CCDC60: variants seen among roughly 807,000 people sequenced by gnomAD.
CCDC60 encodes the protein coiled-coil domain-containing protein 60.
CCDC60 carries 54 observed loss-of-function variants against 63.5 expected under a neutral mutation model. That is an observed-to-expected ratio of 0.85 (90% CI 0.68 to 1.07). CCDC60 has a LOEUF of 1.07. CCDC60 is among the 50% of genes least tolerant of loss of function. The probability of loss-of-function intolerance (pLI) is 0.00; values close to 1 mark genes in which losing one functional copy is unlikely to be tolerated. For synonymous variants in CCDC60, 206 were observed against 238.8 expected (o/e 0.86, Z 1.27); for missense variants, 651 against 684.3 (o/e 0.95, Z 0.54).
intron 1 of CCDC60, among the ~76,000 whole-genome samples, chr12:119,416,165 T>C (rs1329383206): frequency 6.6e-6 from 1 of 152,132 alleles, no homozygotes; most frequent in Non-Finnish European, 1.5e-5. Context: ...GCGGATCACC[T>C]GAGGTCAGGA....
intron 2 of CCDC60, among the ~76,000 whole-genome samples, chr12:119,439,097 G>T: frequency 7.3e-6 from 1 of 136,624 alleles, no homozygotes; most frequent in South Asian, 2.3e-4. Flanking sequence ...TGAAGATGCA[G>T]GATGAGATCT....
In CCDC60 at chr12:119,422,840, C is replaced by T. The variant is rs764757094; in HGVS notation, c.91-5843C>T. ...TATTAGGTTGGTGCAAAACTAATTA[C>T]GGTTTTTGCCATTTTAATGGCAAAT... On this transcript the variant is annotated intron_variant, in intron 1 of 13. Transcript: ENST00000327554. Among the ~76,000 whole-genome samples, 8 of 151,958 alleles carry T rather than the reference C, an allele frequency of 5.3e-5. No individual in the cohort carries two copies. The East Asian group carries it at 5.8e-4, about 11-fold the overall frequency.
intron 6 of CCDC60, among the ~76,000 whole-genome samples, chr12:119,502,856 T>A (rs149528740): frequency 6.6e-6 from 1 of 152,162 alleles, no homozygotes; most frequent in Non-Finnish European, 1.5e-5. Context: ...CATGCCACCA[T>A]CTGTCCACCC....
chr12:119,504,561 T>C (rs1041565992), intron 6 of CCDC60, among the ~76,000 whole-genome samples: 17 of 152,176 alleles, frequency 1.1e-4, no homozygotes, highest in African/African-American at 4.1e-4. Flanking sequence ...CTGTGTTCTT[T>C]AGAAAACCTC....
intron 5 of CCDC60, among the ~76,000 whole-genome samples, chr12:119,490,170 A>T (rs1025864555): frequency 1.3e-5 from 2 of 152,154 alleles, no homozygotes; most frequent in African/African-American, 4.8e-5. Flanking sequence ...TCCACCCCCA[A>T]GTCATCTCTT....
chr12:119,376,677 A>C (rs1413176569), intron 1 of CCDC60, among the ~76,000 whole-genome samples: 1 of 152,148 alleles, frequency 6.6e-6, no homozygotes, highest in African/African-American at 2.4e-5. Context: ...TCCTAAGTAC[A>C]CAGTGGTAAT....
At chr12:119,338,805 G>GTA (rs1955501414) in intron 1 of CCDC60, among the ~76,000 whole-genome samples, 1 of 152,152 alleles carries the variant, frequency 6.6e-6, no homozygotes, top group Non-Finnish European at 1.5e-5. Context: ...CCGGGGGAAG[G>GTA]TATAGCCACA....
intron 5 of CCDC60, among the ~76,000 whole-genome samples, chr12:119,490,087 C>T (rs970693211): frequency 4.6e-5 from 7 of 152,156 alleles, no homozygotes; most frequent in East Asian, 1.9e-4. Context: ...TGAGCCACCG[C>T]GCCCGGCCAA....
intron 7 of CCDC60, among the ~76,000 whole-genome samples, chr12:119,508,994 A>C (rs1952133900): frequency 6.6e-6 from 1 of 151,952 alleles, no homozygotes; most frequent in African/African-American, 2.4e-5. Context: ...GAGGAAGGAG[A>C]CTTTGCAATG....
chr12:119,479,318 A>G, intron 4 of CCDC60, 117 bp downstream of exon 4: 1 of 683,212 alleles, frequency 1.5e-6, no homozygotes, highest in Non-Finnish European at 2.5e-6. Flanking sequence ...TGAAAGGGAC[A>G]TGGAGCCTGG....
intron 9 of CCDC60, 142 bp downstream of exon 9, chr12:119,520,334 A>G (rs1343561375): frequency 1.5e-6 from 1 of 667,660 alleles, no homozygotes; most frequent in African/African-American, 1.8e-5. Context: ...CTCACTAGAA[A>G]CAAGCCCCTT....
chr12:119,499,862 C>G (rs574495007), intron 5 of CCDC60, among the ~76,000 whole-genome samples: 3 of 152,270 alleles, frequency 2.0e-5, no homozygotes, highest in African/African-American at 7.2e-5. Context: ...CCCTCCTCCA[C>G]CCAGTAAGCA....
chr12:119,401,608 A>T (rs577312725), intron 1 of CCDC60, among the ~76,000 whole-genome samples: 1 of 152,356 alleles, frequency 6.6e-6, no homozygotes, highest in Admixed American at 6.5e-5. Context: ...GTTGGCAGAT[A>T]ATTAAAACCC....
At chr12:119,512,917 C>A (rs1234825132) in intron 7 of CCDC60, among the ~76,000 whole-genome samples, 1 of 152,184 alleles carries the variant, frequency 6.6e-6, no homozygotes, top group Non-Finnish European at 1.5e-5. Flanking sequence ...TCTTTTATTT[C>A]TTGACATATC....
chr12:119,460,271 G>T (rs1166637257), intron 2 of CCDC60, among the ~76,000 whole-genome samples: 1 of 152,168 alleles, frequency 6.6e-6, no homozygotes, highest in Non-Finnish European at 1.5e-5. Context: ...ATTACATCAT[G>T]CTCCAGGTCC....
chr12:119,448,703 G>A (rs775219886), intron 2 of CCDC60, among the ~76,000 whole-genome samples: 2 of 151,904 alleles, frequency 1.3e-5, no homozygotes, highest in African/African-American at 2.4e-5. Context: ...GGCGCATTAG[G>A]TTCCTTAGCA....
intron 1 of CCDC60, among the ~76,000 whole-genome samples, chr12:119,385,865 A>AG (rs1956054548): frequency 6.6e-6 from 1 of 152,174 alleles, no homozygotes; most frequent in Non-Finnish European, 1.5e-5. Flanking sequence ...TGCTAGCCCC[A>AG]GGGGACTGCA....
chr12:119,421,619 T>C (rs1044467739), intron 1 of CCDC60, among the ~76,000 whole-genome samples: 2 of 152,194 alleles, frequency 1.3e-5, no homozygotes, highest in African/African-American at 4.8e-5. Context: ...GCAGAGCACA[T>C]AGGAGATTGG....
intron 1 of CCDC60, among the ~76,000 whole-genome samples, chr12:119,408,698 C>A (rs530433023): frequency 3.3e-5 from 5 of 152,056 alleles, no homozygotes; most frequent in African/African-American, 4.8e-5. Context: ...TGGTGGCGGG[C>A]GCCTGTAGTC....
Sources: gnomAD v4.1 joint callset for allele counts (sites outside exome capture counted in the v4.1 genomes callset) on GRCh38, gnomAD v4.1.1 for gene constraint, MANE v1.5 for transcripts, NCBI Gene and HGNC (gene_info 2026-07-23, HGNC 2026-07-21) for gene names.